DHX35: variants seen among roughly 807,000 people sequenced by gnomAD.
DHX35 encodes DEAH-box helicase 35.
A neutral mutation model predicts 99.6 loss-of-function variants in DHX35; 84 were observed. The observed-to-expected ratio is 0.84, with a 90% CI of 0.71 to 1.01. The LOEUF is 1.01. DHX35 is among the 50% of genes least tolerant of loss of function. DHX35 has a pLI of 0.00. For missense variants in DHX35, 852 were observed against 888.5 expected (o/e 0.96, Z 0.52); for synonymous variants, 331 against 316.2 (o/e 1.05, Z -0.50).
intron 18 of DHX35, among the ~76,000 whole-genome samples, chr20:39,026,942 C>A (rs1253026580): frequency 1.3e-5 from 2 of 152,126 alleles, no homozygotes; most frequent in Non-Finnish European, 2.9e-5. Context: ...CATTATCAGA[C>A]CCCTGCCCAG....
intron 3 of DHX35, among the ~76,000 whole-genome samples, chr20:38,976,223 A>G (rs2086074423): frequency 6.6e-6 from 1 of 152,202 alleles, no homozygotes; most frequent in Non-Finnish European, 1.5e-5. Flanking sequence ...ACAAAGGGAC[A>G]TACAAAGATT....
Position 39,021,848 on chromosome 20 carries a change from C to A in DHX35, c.1506C>A (p.Phe502Leu). The change falls in exon 16 of 22, where the codon TTC becomes TTA. Residue 502 changes from phenylalanine (F) to leucine (L), a missense_variant. Transcript: ENST00000252011. ...FAKMLLESGN[F>L]GCSQEILSIA... ...ATGCTTTTTGTTTTACAGGAAACTT[C>A]GGCTGTTCTCAGGAAATTCTAAGCA... The A allele has an allele frequency of 6.2e-7, 1 of 1,614,086 alleles. No individual in the cohort carries two copies. The highest frequency in any genetic ancestry group is 1.6e-4 in the Middle Eastern group (1 of 6,062).
intron 7 of DHX35, among the ~76,000 whole-genome samples, chr20:38,993,852 T>C (rs2086380475): frequency 6.6e-6 from 1 of 152,178 alleles, no homozygotes; most frequent in African/African-American, 2.4e-5. Flanking sequence ...TTAAGTAAGA[T>C]AGCAAAAAAC....
intron 3 of DHX35, among the ~76,000 whole-genome samples, chr20:38,980,655 CTTTATT>C (rs959378766): frequency 2.0e-5 from 3 of 152,080 alleles, no homozygotes; most frequent in African/African-American, 4.8e-5. Flanking sequence ...ATTTTCTAAA[CTTTATT>C]TTTAACTACT....
chr20:39,028,283 G>C, intron 18 of DHX35, 135 bp from the exon 19 acceptor site: 1 of 820,786 alleles, frequency 1.2e-6, no homozygotes, highest in East Asian at 2.4e-5. Context: ...TAGGGCTGGA[G>C]CCATTTCAGG....
chr20:39,010,296 G>A lies in DHX35; in HGVS notation c.1239G>A (p.Lys413=), dbSNP rs2086680879. 6.2e-6 allele frequency: 10 copies of A among 1,614,120 alleles called. No homozygotes were observed. Among genetic ancestry groups the A allele is most frequent in the Non-Finnish European group, 7.6e-6 (9 of 1,180,008 alleles). Residue 413 remains lysine (K), a synonymous_variant, in exon 13 of 22, where the codon AAG becomes AAA. Transcript: ENST00000252011. ...TATCCTCAGAGGAAGCCTTTGACAA[G>A]TTGCCTCAGTCTACGGTTCCTGAGA... ...YRLYTEEAFD[K]LPQSTVPEMQ...
chr20:38,991,682 A>T (rs2086339778), intron 6 of DHX35, among the ~76,000 whole-genome samples, 167 bp downstream of exon 6: 1 of 152,222 alleles, frequency 6.6e-6, no homozygotes. Flanking sequence ...GAATTTAAAT[A>T]GTATGGCCCT....
At chr20:38,963,098 A>T (rs1298960669) in intron 1 of DHX35, 1 of 152,310 alleles carries the variant, frequency 6.6e-6, no homozygotes, top group Non-Finnish European at 1.5e-5. Flanking sequence ...TCTCTTACAG[A>T]CTAACACGAA....
rs191784952 is a variant in DHX35, at chr20:38,967,774, A to C, written c.41-1307A>C. Among the ~76,000 whole-genome samples the C allele has an allele frequency of 2.7e-4, 41 of 152,280 alleles. No homozygotes were observed. In the East Asian group the frequency reaches 7.5e-3, roughly 28 times the overall value. On this transcript the variant is annotated intron_variant, in intron 1 of 21. Transcript: ENST00000252011. Reference sequence around the variant, plus strand: ...CTGCCCAGCATGGCGGTTACTGAGAATAGCATTTCCCATCTATCCACTCCC... The same window carrying C: ...CTGCCCAGCATGGCGGTTACTGAGACTAGCATTTCCCATCTATCCACTCCC...
Position 39,014,872 on chromosome 20 carries a change from T to C in DHX35, c.1348-8T>C, listed in dbSNP as rs771204351. On this transcript the variant is annotated splice_polypyrimidine_tract_variant and splice_region_variant and intron_variant, in intron 13 of 21. Coordinates refer to ENST00000252011, the MANE Select transcript of DHX35 (RefSeq NM_021931.4). Reference sequence around the variant, plus strand: ...ATTGATTCAGGAAGATTTTTATGTTTTTTCCAGCCCCCTCCAGCACAGTCG... The same window carrying C: ...ATTGATTCAGGAAGATTTTTATGTTCTTTCCAGCCCCCTCCAGCACAGTCG... The C allele has an allele frequency of 6.2e-7, 1 of 1,614,170 alleles. No individual in the cohort carries two copies. The highest frequency in any genetic ancestry group is 1.1e-5 in the South Asian group (1 of 91,074).
chr20:38,992,568 T>C (rs1243504898), intron 7 of DHX35, 143 bp downstream of exon 7: 4 of 751,516 alleles, frequency 5.3e-6, no homozygotes, highest in South Asian at 1.6e-5. Context: ...TCAGAGAATA[T>C]CAGTGGTAGA....
At chr20:39,001,966 C>G (rs1568737736) in intron 9 of DHX35, 124 bp downstream of exon 9, 6 of 802,704 alleles carry the variant, frequency 7.5e-6, no homozygotes, top group Non-Finnish European at 1.3e-5. Context: ...TGTCCCTAGT[C>G]ATTGGTCTAG....
chr20:39,003,943 C>A, intron 11 of DHX35, 36 bp downstream of exon 11: 1 of 1,604,320 alleles, frequency 6.2e-7, no homozygotes, highest in South Asian at 1.1e-5. Context: ...TGTTGGCAGC[C>A]GTCTATAATC....
chr20:39,036,268 A>G (rs1049400255), intron 21 of DHX35, among the ~76,000 whole-genome samples: 2 of 152,258 alleles, frequency 1.3e-5, no homozygotes, highest in African/African-American at 4.8e-5. Flanking sequence ...TCTTTAGGTC[A>G]AACCCACAAA....
intron 9 of DHX35, 101 bp from the exon 10 acceptor site, chr20:39,002,671 C>T: frequency 9.7e-7 from 1 of 1,026,422 alleles, no homozygotes. Flanking sequence ...TGGGCAGGCC[C>T]AAACTCACTT....
Position 38,996,119 on chromosome 20 carries a change from A to T in DHX35, c.642+1239A>T, listed in dbSNP as rs554953265. On this transcript the variant is annotated intron_variant, in intron 8 of 21. Transcript: ENST00000252011. ...CAGCCTAAGGTTCTCTCCTAATTTC[A>T]TTCCAGTTTTGAGCATTTATTATCT... 6.4e-4 allele frequency among the ~76,000 whole-genome samples: 97 copies of T among 152,238 alleles called. 2 individuals carry two copies. Among genetic ancestry groups the T allele is most frequent in the African/African-American group, 2.2e-3 (93 of 41,550 alleles).
intron 3 of DHX35, among the ~76,000 whole-genome samples, chr20:38,981,399 A>G (rs1480184985): frequency 1.3e-5 from 2 of 152,128 alleles, no homozygotes; most frequent in East Asian, 1.9e-4. Flanking sequence ...TGCGTGTATC[A>G]ATATGGATTC....
rs558804047 is a variant in DHX35 at position 38,983,842 on chromosome 20, T to C, written c.345+66T>C. 3.1e-5 allele frequency: 43 copies of C among 1,402,010 alleles called. No individual in the cohort carries two copies. In the East Asian group the frequency reaches 1.0e-3, roughly 34 times the overall value. 86.8% of individuals were successfully genotyped at this position (1,402,010 alleles called of 1,614,324 possible). ...TCTACATTTGTGATTTGTTTACATT[T>C]CCTAAAGGCTTTAAATGAATAGAAG... On this transcript the variant is annotated intron_variant, in intron 4 of 21. Coordinates refer to ENST00000252011, the MANE Select transcript of DHX35 (RefSeq NM_021931.4).
chr20:39,006,729 C>T (rs368167343), intron 12 of DHX35, among the ~76,000 whole-genome samples: 40 of 152,310 alleles, frequency 2.6e-4, no homozygotes, highest in African/African-American at 8.2e-4. Flanking sequence ...CTGAGTCTTG[C>T]GGAGCCTCAC....
Sources: allele counts gnomAD v4.1 joint callset (sites outside exome capture counted in the v4.1 genomes callset), GRCh38; gene constraint gnomAD v4.1.1; transcripts MANE v1.5; gene names NCBI Gene and HGNC (gene_info 2026-07-23, HGNC 2026-07-21).